Variants in SMURF1 observed in about 807,000 individuals in gnomAD.
The protein encoded by SMURF1 is E3 ubiquitin-protein ligase SMURF1.
In SMURF1, 44 loss-of-function variants were observed where a neutral mutation model predicts 98.0. That is an observed-to-expected ratio of 0.45 (90% confidence interval 0.35 to 0.58). SMURF1 has a LOEUF of 0.58. Ranked by LOEUF, SMURF1 falls within the 20% of genes least tolerant of loss-of-function variation. The probability of loss-of-function intolerance (pLI) is 0.00; values close to 1 mark genes in which losing one functional copy is unlikely to be tolerated. For missense variants in SMURF1, 687 were observed against 938.4 expected (o/e 0.73, Z 3.50); for synonymous variants, 396 against 374.9 (o/e 1.06, Z -0.65).
chr7:99,119,208 T>C (rs1315837385), intron 1 of SMURF1, among the ~76,000 whole-genome samples: 1 of 152,022 alleles, frequency 6.6e-6, no homozygotes, highest in Non-Finnish European at 1.5e-5. Flanking sequence ...TTATCTAGCG[T>C]ATCTTTGCTA....
intron 15 of SMURF1, 200 bp from the exon 16 acceptor site, chr7:99,035,916 G>A (rs759584490): frequency 6.1e-5 from 37 of 601,834 alleles, no homozygotes; most frequent in Non-Finnish European, 7.0e-5. Context: ...TCCTCCAAAC[G>A]GGTCTCCAAC....
intron 1 of SMURF1, among the ~76,000 whole-genome samples, chr7:99,106,668 C>T (rs1252434991): frequency 6.6e-6 from 1 of 152,140 alleles, no homozygotes; most frequent in Non-Finnish European, 1.5e-5. Flanking sequence ...TAATCCCAAC[C>T]GCTCAGGAGG....
At chr7:99,133,323 T>C (rs1277727438) in intron 1 of SMURF1, among the ~76,000 whole-genome samples, 4 of 151,412 alleles carry the variant, frequency 2.6e-5, no homozygotes, top group Non-Finnish European at 4.4e-5. Flanking sequence ...GAGTGAAGGG[T>C]ACACAGGACC....
intron 1 of SMURF1, among the ~76,000 whole-genome samples, chr7:99,108,424 A>G (rs1467150263): frequency 6.6e-6 from 1 of 151,846 alleles, no homozygotes; most frequent in African/African-American, 2.4e-5. Flanking sequence ...AGCCTGGCAA[A>G]TATGGTGAAA....
intron 5 of SMURF1, among the ~76,000 whole-genome samples, chr7:99,055,954 A>G (rs1479441026): frequency 6.6e-6 from 1 of 152,206 alleles, no homozygotes; most frequent in Non-Finnish European, 1.5e-5. Flanking sequence ...CGACAGAGCA[A>G]GACTCCGTGT....
chr7:99,047,677 T>A lies in SMURF1; in HGVS notation c.1152+7A>T. 6 of 1,614,092 alleles carry A rather than the reference T, an allele frequency of 3.7e-6. No individual in the cohort carries two copies. The highest frequency in any genetic ancestry group is 5.1e-6 in the Non-Finnish European group (6 of 1,179,926). The stretch of plus-strand genomic sequence containing the variant: ...CAGGGTCTGGGCAGTGGCCCTGAAC[T>A]CTCTACCTCAAAGATTTCTTCTCTG... On this transcript the variant is annotated splice_region_variant and intron_variant, in intron 10 of 17. Coordinates refer to ENST00000361368, the MANE Select transcript of SMURF1 (RefSeq NM_181349.3).
intron 1 of SMURF1, among the ~76,000 whole-genome samples, chr7:99,119,324 G>A (rs2045568465): frequency 6.6e-6 from 1 of 152,006 alleles, no homozygotes; most frequent in South Asian, 2.1e-4. Flanking sequence ...ATCTTGTACA[G>A]TTTAAATATT....
At chr7:99,096,598 A>G (rs763950241) in intron 1 of SMURF1, among the ~76,000 whole-genome samples, 1 of 152,238 alleles carries the variant, frequency 6.6e-6, no homozygotes, top group Non-Finnish European at 1.5e-5. Flanking sequence ...AAAAGGGTCA[A>G]TTCACCAAGA....
At chr7:99,123,878 C>A (rs1034436047) in intron 1 of SMURF1, among the ~76,000 whole-genome samples, 1 of 152,206 alleles carries the variant, frequency 6.6e-6, no homozygotes, top group Non-Finnish European at 1.5e-5. Context: ...ACTCTCAGTG[C>A]AGCCTTAGGC....
intron 1 of SMURF1, among the ~76,000 whole-genome samples, chr7:99,115,630 A>C (rs1370613579): frequency 1.3e-5 from 2 of 152,188 alleles, no homozygotes; most frequent in Non-Finnish European, 2.9e-5. Context: ...ACTTAAAAAA[A>C]AATACTATGA....
intron 7 of SMURF1, 53 bp from the exon 8 acceptor site, chr7:99,051,494 T>G (rs546608594): frequency 2.1e-6 from 3 of 1,431,148 alleles, no homozygotes; most frequent in African/African-American, 2.8e-5. Flanking sequence ...CAGGGAGAGT[T>G]TGTAACCAAC....
At position 99,096,750 on chromosome 7, in the gene SMURF1, TAGAC is replaced by T. The variant is rs1448829464; in HGVS notation, c.56-34917_56-34914del. 2.0e-5 allele frequency among the ~76,000 whole-genome samples: 3 copies of T among 152,192 alleles called. No individual in the cohort carries two copies. The East Asian group carries it at 5.8e-4, about 29-fold the overall frequency. On this transcript the variant is annotated intron_variant, in intron 1 of 17. Transcript: ENST00000361368. ...TCTAATCAGCAATTGACAGAGCTAG[TAGAC>T]AGAGTCAGCAAGGATATATATAGAA...
At chr7:99,100,129 T>C (rs1473688510) in intron 1 of SMURF1, among the ~76,000 whole-genome samples, 1 of 144,976 alleles carries the variant, frequency 6.9e-6, no homozygotes, top group South Asian at 2.1e-4. Flanking sequence ...AAAAAAAAGC[T>C]GCAAAGCAAA....
At chr7:99,046,212 A>G in intron 10 of SMURF1, among the ~76,000 whole-genome samples, 1 of 152,178 alleles carries the variant, frequency 6.6e-6, no homozygotes, top group East Asian at 1.9e-4. Context: ...CTCTCTTTAT[A>G]TCTAAAGTGA....
At chr7:99,098,015 A>G (rs1188522063) in intron 1 of SMURF1, among the ~76,000 whole-genome samples, 2 of 152,238 alleles carry the variant, frequency 1.3e-5, no homozygotes, top group East Asian at 3.8e-4. Context: ...TCAACAGACA[A>G]AACCCAAGTT....
At chr7:99,045,152 A>C (rs1795531441) in intron 11 of SMURF1, among the ~76,000 whole-genome samples, 1 of 152,214 alleles carries the variant, frequency 6.6e-6, no homozygotes, top group Non-Finnish European at 1.5e-5. Flanking sequence ...AAAGACCAAA[A>C]AAAAAAAATT....
At chr7:99,063,283 A>T (rs368581415) in intron 1 of SMURF1, among the ~76,000 whole-genome samples, 823 of 17,332 alleles carry the variant, frequency 0.047, 65 homozygotes, top group Non-Finnish European at 0.098. Flanking sequence ...ATATATATAT[A>T]TATATATATA....
intron 1 of SMURF1, among the ~76,000 whole-genome samples, chr7:99,117,339 C>T (rs767980551): frequency 1.1e-4 from 17 of 151,796 alleles, no homozygotes; most frequent in East Asian, 1.9e-4. Flanking sequence ...GCACAAACAA[C>T]GCTTTTTTTG....
chr7:99,035,781 T>C, intron 15 of SMURF1, 65 bp from the exon 16 acceptor site: 2 of 1,488,972 alleles, frequency 1.3e-6, no homozygotes, highest in South Asian at 2.4e-5. Flanking sequence ...ATGCGCCTCC[T>C]AGGTACCCGA....
Sources: gnomAD v4.1 joint callset for allele counts (sites outside exome capture counted in the v4.1 genomes callset) on GRCh38, gnomAD v4.1.1 for gene constraint, MANE v1.5 for transcripts, NCBI Gene and HGNC (gene_info 2026-07-23, HGNC 2026-07-21) for gene names.